The following SORL1 variants were observed in gnomAD, a reference collection of about 807,000 sequenced individuals.
SORL1 encodes the protein sortilin related receptor 1.
SORL1 carries 127 observed loss-of-function variants against 273.7 expected under a neutral mutation model. The observed-to-expected ratio is 0.46, with a 90% CI of 0.40 to 0.54. The LOEUF (loss-of-function observed/expected upper bound fraction) is 0.54. Ranked by LOEUF, SORL1 falls within the 20% of genes least tolerant of loss-of-function variation. SORL1 has a pLI of 0.00. For missense variants in SORL1, 2,494 were observed against 2,846.1 expected, an observed-to-expected ratio of 0.88 and a Z score of 2.81; for synonymous variants, 1,031 against 1,067.4, an observed-to-expected ratio of 0.97 and a Z score of 0.66.
intron 3 of SORL1, among the ~76,000 whole-genome samples, chr11:121,479,589 C>T (rs560334387): frequency 2.6e-5 from 4 of 152,236 alleles, no homozygotes; most frequent in South Asian, 2.1e-4. Flanking sequence ...GGGTCCTGGA[C>T]GTCCCCTGCT....
intron 25 of SORL1, among the ~76,000 whole-genome samples, chr11:121,578,685 A>T (rs1392514993): frequency 6.6e-6 from 1 of 152,168 alleles, no homozygotes; most frequent in Non-Finnish European, 1.5e-5. Context: ...TTTAGTTTGG[A>T]GGTGACCTCA....
Position 121,627,419 on chromosome 11 carries a change from C to A in SORL1, c.6365-136C>A. The stretch of plus-strand genomic sequence containing the variant: ...ATCAGGCATCACGCACATGCAGAAA[C>A]GTCTCACACCAGACAGGCAGTTTGT... On this transcript the variant is annotated intron_variant, in intron 46 of 47. Coordinates refer to ENST00000260197, the MANE Select transcript of SORL1 (RefSeq NM_003105.6). The surrounding 1 kb of genome is among the most constrained non-coding windows in gnomAD (Gnocchi z 4.9). The A allele has an allele frequency of 1.4e-6, 1 of 700,740 alleles. No homozygotes were observed. The highest frequency in any genetic ancestry group is 2.3e-5 in the Admixed American group (1 of 43,830). The allele number at this position is 700,740 out of a possible 1,614,324, so 43.4% of individuals were successfully genotyped here. A position where few individuals can be genotyped will look rare whatever the true frequency, so the allele number is the denominator to read the frequency against.
rs1862058154 is a variant in SORL1 at position 121,522,666 on chromosome 11, G to A, written c.1485G>A (p.Leu495=). ...LNLQLRRMPI[L]SKESAPGLII... ...TCCAGCTCCGGAGAATGCCCATCCT[G>A]TCCAAGGAGTCGGCTCCAGGCCTCA... The change falls in exon 10 of 48, where the codon CTG becomes CTA. Residue 495 remains leucine (L), a synonymous_variant. Transcript: ENST00000260197. The A allele has an allele frequency of 6.2e-7, 1 of 1,614,158 alleles. No homozygotes were observed. The highest frequency in any genetic ancestry group is 2.2e-5 in the East Asian group (1 of 44,882).
chr11:121,545,133 G>A, intron 13 of SORL1, 110 bp from the exon 14 acceptor site: 1 of 942,228 alleles, frequency 1.1e-6, no homozygotes, highest in Non-Finnish European at 1.6e-6. Flanking sequence ...CTTGCGGGGT[G>A]GCAACAGATA....
At chr11:121,481,303 C>T in intron 3 of SORL1, among the ~76,000 whole-genome samples, 1 of 128,864 alleles carries the variant, frequency 7.8e-6, no homozygotes, top group Non-Finnish European at 1.6e-5. Context: ...TCCATCTCCT[C>T]CTCCCCAGCT....
At chr11:121,493,635 T>A (rs1422404861) in intron 5 of SORL1, among the ~76,000 whole-genome samples, 1 of 152,242 alleles carries the variant, frequency 6.6e-6, no homozygotes, top group South Asian at 2.1e-4. Context: ...AGATTAGCCC[T>A]TTGGCTGTGA....
At chr11:121,535,089 G>T (rs966413192) in intron 12 of SORL1, among the ~76,000 whole-genome samples, 1 of 148,656 alleles carries the variant, frequency 6.7e-6, no homozygotes, top group Non-Finnish European at 1.5e-5. Flanking sequence ...ATTGCTTATG[G>T]TTTTTTTTTT....
chr11:121,502,124 C>CTTTTTTTTTT lies in SORL1; in HGVS notation c.939+5095_939+5104dup, dbSNP rs57842880. ...GTAACTACTGGGTCATGTGACAATT[C>CTTTTTTTTTT]TTTTTTTTTTTTTTTTTTTTTTTTT... On this transcript the variant is annotated intron_variant, in intron 6 of 47. Coordinates refer to ENST00000260197, the MANE Select transcript of SORL1 (RefSeq NM_003105.6). Among the ~76,000 whole-genome samples the CTTTTTTTTTT allele has an allele frequency of 7.2e-4, 47 of 65,180 alleles. 9 individuals carry two copies. The highest frequency in any genetic ancestry group is 2.1e-3 in the South Asian group (3 of 1,402). 42.8% of individuals were successfully genotyped at this position (65,180 alleles called of 152,430 possible).
At chr11:121,603,178 T>G (rs1318889871) in intron 32 of SORL1, among the ~76,000 whole-genome samples, 2 of 152,236 alleles carry the variant, frequency 1.3e-5, no homozygotes, top group African/African-American at 4.8e-5. Context: ...AGGTAACATA[T>G]TACAGGTTCC....
At chr11:121,470,161 AT>A in intron 2 of SORL1, 38 bp downstream of exon 2, 1 of 1,343,454 alleles carries the variant, frequency 7.4e-7, no homozygotes, top group Admixed American at 1.7e-5. Flanking sequence ...CCTTGGTGCC[AT>A]CAACATGCCC....
At chr11:121,532,599 A>T (rs1484162807) in intron 12 of SORL1, 47 bp downstream of exon 12, 4 of 1,470,766 alleles carry the variant, frequency 2.7e-6, no homozygotes, top group Non-Finnish European at 3.8e-6. Context: ...TTCTCCCAGA[A>T]ATTTACGTCT....
chr11:121,523,389 A>G (rs1312189275), intron 11 of SORL1, among the ~76,000 whole-genome samples: 1 of 151,954 alleles, frequency 6.6e-6, no homozygotes, highest in Non-Finnish European at 1.5e-5. Flanking sequence ...TATTATTATT[A>G]TTTTGTATAT....
chr11:121,548,623 G>T (rs1862466593), intron 14 of SORL1, among the ~76,000 whole-genome samples: 1 of 152,200 alleles, frequency 6.6e-6, no homozygotes, highest in African/African-American at 2.4e-5. Context: ...CTGGAGTGCA[G>T]TGGTGCAATC....
intron 40 of SORL1, 96 bp from the exon 41 acceptor site, chr11:121,614,775 A>T (rs1041268570): frequency 7.4e-6 from 7 of 941,920 alleles, no homozygotes; most frequent in Non-Finnish European, 1.2e-5. Flanking sequence ...AAGTCAAGAG[A>T]TTACTATTTT....
intron 12 of SORL1, among the ~76,000 whole-genome samples, chr11:121,538,000 C>T (rs1472917658): frequency 6.6e-6 from 1 of 152,204 alleles, no homozygotes; most frequent in Non-Finnish European, 1.5e-5. Flanking sequence ...TCTAGGTTCT[C>T]CCTTAGGTCT....
rs559252321 is a variant in SORL1 at position 121,478,622 on chromosome 11, G to A, written c.528+379G>A. 7.2e-5 allele frequency among the ~76,000 whole-genome samples: 11 copies of A among 152,264 alleles called. No homozygotes were observed. In the South Asian group the frequency reaches 2.1e-3, roughly 29 times the overall value. On this transcript the variant is annotated intron_variant, in intron 3 of 47. Transcript: ENST00000260197. ...GGATACTATCAGTGTGTCTGCTTGC[G>A]TGCTTATGCGTGCTTGTATGCGTGT...
intron 6 of SORL1, among the ~76,000 whole-genome samples, chr11:121,506,732 G>A (rs1861792951): frequency 1.3e-5 from 2 of 152,244 alleles, no homozygotes; most frequent in African/African-American, 4.8e-5. Flanking sequence ...GTTGTGTCAG[G>A]TCTTTTATGC....
intron 41 of SORL1, among the ~76,000 whole-genome samples, chr11:121,616,873 T>C (rs1403821618): frequency 1.3e-5 from 2 of 152,204 alleles, no homozygotes; most frequent in Non-Finnish European, 2.9e-5. Context: ...GCAGCTTGGT[T>C]TTATACATTT....
intron 7 of SORL1, among the ~76,000 whole-genome samples, chr11:121,513,467 A>C (rs1306684064): frequency 1.3e-5 from 2 of 152,232 alleles, no homozygotes; most frequent in African/African-American, 2.4e-5. Context: ...GAATTCCAGC[A>C]GAGGATAGGA....
Sources: gnomAD v4.1 joint callset for allele counts (sites outside exome capture counted in the v4.1 genomes callset) on GRCh38, gnomAD v4.1.1 for gene constraint, Gnocchi (gnomAD v3.1) non-coding constraint, MANE v1.5 for transcripts, NCBI Gene and HGNC (gene_info 2026-07-23, HGNC 2026-07-21) for gene names.